Variants in SMPX observed in about 807,000 individuals in gnomAD.
SMPX encodes the protein small muscular protein.
In SMPX, 2 loss-of-function variants were observed where a neutral mutation model predicts 6.3. The observed-to-expected ratio is 0.32, with a 90% CI of 0.13 to 0.99. The LOEUF (loss-of-function observed/expected upper bound fraction) is 0.99. SMPX is among the 50% of genes least tolerant of loss of function. SMPX has a pLI of 0.49. For synonymous variants in SMPX, 32 were observed against 24.7 expected (o/e 1.30, Z -0.88); for missense variants, 60 against 66.8 (o/e 0.90, Z 0.36).
At chrX:21,710,519 CA>C (rs771154499) in intron 4 of SMPX, among the ~76,000 whole-genome samples, 2 of 111,633 alleles carry the variant, frequency 1.8e-5, no homozygotes, top group East Asian at 5.6e-4. Flanking sequence ...ATCTGTGTTA[CA>C]AAAAATCCAC....
chrX:21,735,956 A>C (rs924865435), intron 4 of SMPX, among the ~76,000 whole-genome samples: 5 of 111,570 alleles, frequency 4.5e-5, no homozygotes, highest in Non-Finnish European at 1.9e-5. Flanking sequence ...ATGTAGCCAC[A>C]TGTCAGGTTA....
intron 4 of SMPX, among the ~76,000 whole-genome samples, chrX:21,732,886 C>A (rs1467139968): frequency 9.0e-6 from 1 of 110,828 alleles, no homozygotes; most frequent in African/African-American, 3.3e-5. Flanking sequence ...AGAATTAGCA[C>A]CCTTATAAGA....
At chrX:21,712,673 T>C (rs911100215) in intron 4 of SMPX, among the ~76,000 whole-genome samples, 4 of 111,589 alleles carry the variant, frequency 3.6e-5, no homozygotes, top group Non-Finnish European at 5.6e-5. Context: ...CCGACTTCAT[T>C]GGAGAAATAT....
At chrX:21,751,627 C>T (rs367968260) in intron 2 of SMPX, among the ~76,000 whole-genome samples, 4 of 111,966 alleles carry the variant, frequency 3.6e-5, no homozygotes, top group African/African-American at 1.3e-4. Context: ...CAATTCATCT[C>T]AGGGATCAGG....
rs2092783394 is a variant in SMPX, at chrX:21,715,303, T to TCC, written c.*15-8910_*15-8909insGG. Among the ~76,000 whole-genome samples the TCC allele has an allele frequency of 2.3e-5, 2 of 86,074 alleles. 1 individual carries two copies. Among genetic ancestry groups the TCC allele is most frequent in the Non-Finnish European group, 4.3e-5 (2 of 46,715 alleles). 74.7% of individuals were successfully genotyped at this position (86,074 alleles called of 115,157 possible). On this transcript the variant is annotated intron_variant, in intron 4 of 4. Transcript: ENST00000379494. ...GTGTGTGTGTGTGTGTGTGTGTGTG[T>TCC]GCGCGCACGCGCGCGCGCTCGCGCG... is the stretch of plus-strand genomic sequence containing the variant.
intron 2 of SMPX, among the ~76,000 whole-genome samples, chrX:21,746,523 A>G (rs934267338): frequency 1.8e-5 from 2 of 111,625 alleles, no homozygotes; most frequent in African/African-American, 6.5e-5. Context: ...AAACGAGCAG[A>G]TAAAATGGAT....
intron 3 of SMPX, among the ~76,000 whole-genome samples, chrX:21,738,700 G>A (rs2092813122): frequency 9.0e-6 from 1 of 110,665 alleles, no homozygotes; most frequent in Non-Finnish European, 1.9e-5. Flanking sequence ...CCACGCTGAG[G>A]TCACACTTCC....
intron 4 of SMPX, among the ~76,000 whole-genome samples, chrX:21,731,832 A>T (rs200439412): frequency 6.1e-3 from 248 of 40,632 alleles, no homozygotes; most frequent in Non-Finnish European, 0.012. Context: ...TATACACATT[A>T]TATATATATA....
chrX:21,731,475 T>TAATGTGTGTATGTGTACACAC (rs1569306498), intron 4 of SMPX, among the ~76,000 whole-genome samples: 1 of 84,116 alleles, frequency 1.2e-5, no homozygotes, highest in African/African-American at 4.1e-5. Context: ...TGTGTACACA[T>TAATGTGTGTATGTGTACACAC]ACACATTATG....
intron 4 of SMPX, among the ~76,000 whole-genome samples, chrX:21,731,728 ATGTGTATATGTGTATATGTACACATTTG>A (rs1569306718): frequency 8.5e-4 from 88 of 103,586 alleles, no homozygotes; most frequent in East Asian, 1.6e-3. Flanking sequence ...GTACACATTA[ATGTGTATATGTGTATATGTACACATTTG>A]TGTGTATATG....
At chrX:21,754,372 T>G (rs940052562) in intron 1 of SMPX, 70 bp from the exon 2 acceptor site, 26 of 838,439 alleles carry the variant, frequency 3.1e-5, no homozygotes, top group Non-Finnish European at 2.9e-5. Context: ...AATTAGAATT[T>G]AACTCATGAT....
At chrX:21,754,436 C>T in intron 1 of SMPX, 134 bp from the exon 2 acceptor site, 10 of 561,884 alleles carry the variant, frequency 1.8e-5, no homozygotes, top group Non-Finnish European at 3.2e-5. Context: ...GTCTCAGTTT[C>T]CAAAGTTACG....
chrX:21,729,759 CCT>C (rs1300276201), intron 4 of SMPX, among the ~76,000 whole-genome samples: 3 of 109,727 alleles, frequency 2.7e-5, no homozygotes, highest in Admixed American at 9.6e-5. Flanking sequence ...CCAATTTCTT[CCT>C]GATAATTCAC....
chrX:21,722,809 G>T (rs767377990), intron 4 of SMPX, among the ~76,000 whole-genome samples: 23 of 111,129 alleles, frequency 2.1e-4, no homozygotes, highest in Admixed American at 1.2e-3. Context: ...TGACCTTGCG[G>T]AAAGTCATGT....
intron 2 of SMPX, among the ~76,000 whole-genome samples, chrX:21,752,288 C>G (rs1018758130): frequency 9.0e-6 from 1 of 111,123 alleles, no homozygotes; most frequent in East Asian, 2.8e-4. Flanking sequence ...AACACACTTT[C>G]AGTTTTAAAA....
chrX:21,724,325 T>C (rs1174904923), intron 4 of SMPX, among the ~76,000 whole-genome samples: 1 of 112,199 alleles, frequency 8.9e-6, no homozygotes, highest in Non-Finnish European at 1.9e-5. Context: ...AAATCCTGGA[T>C]CAAATCTGTC....
chrX:21,741,820 G>T (rs1411779333), intron 3 of SMPX, among the ~76,000 whole-genome samples: 1 of 111,986 alleles, frequency 8.9e-6, no homozygotes, highest in East Asian at 2.8e-4. Context: ...TGGGGTCTTT[G>T]TGTCTTTGTG....
At chrX:21,716,887 A>G (rs2147374206) in intron 4 of SMPX, among the ~76,000 whole-genome samples, 1 of 111,999 alleles carries the variant, frequency 8.9e-6, no homozygotes, top group Admixed American at 9.4e-5. Context: ...GAAGATTTTT[A>G]GGTAGTTTTA....
chrX:21,710,241 T>G (rs2092777137), intron 4 of SMPX, among the ~76,000 whole-genome samples: 1 of 112,317 alleles, frequency 8.9e-6, no homozygotes, highest in African/African-American at 3.2e-5. Context: ...AGGAATGAAA[T>G]AATGTCTTTT....
Sources: allele counts gnomAD v4.1 joint callset (sites outside exome capture counted in the v4.1 genomes callset), GRCh38; gene constraint gnomAD v4.1.1; transcripts MANE v1.5; gene names NCBI Gene and HGNC (gene_info 2026-07-23, HGNC 2026-07-21).